PHPT1: variants seen among roughly 807,000 people sequenced by gnomAD.
PHPT1 encodes the protein phosphohistidine phosphatase 1.
In PHPT1, 16 loss-of-function variants were observed where a neutral mutation model predicts 15.6. The observed-to-expected ratio is 1.03, with a 90% CI of 0.70 to 1.56. The LOEUF is 1.56. PHPT1 is among the 40% of genes most tolerant of loss of function. The probability of loss-of-function intolerance (pLI) is 0.00; values close to 1 mark genes in which losing one functional copy is unlikely to be tolerated. For missense variants in PHPT1, 228 were observed against 171.0 expected (o/e 1.33, Z -1.86); for synonymous variants, 102 against 68.1 (o/e 1.50, Z -2.45).
intron 1 of PHPT1, 35 bp downstream of exon 1, chr9:136,849,625 G>GTGCC: frequency 1.4e-6 from 2 of 1,461,648 alleles, no homozygotes; most frequent in Non-Finnish European, 1.8e-6. Context: ...CCAGGGGCAC[G>GTGCC]CCTGGCGAGG....
rs768117475 is a variant in PHPT1, at chr9:136,850,059, C to T, written c.207C>T (p.Cys69=). The change falls in exon 2 of 3, where the codon TGC becomes TGT. Residue 69 remains cysteine, a synonymous_variant. Transcript: ENST00000247665. The part of the protein sequence containing the change: ...KVSGDMQKQG[C]DCECLGGGRI... ...CGGGCGACATGCAGAAGCAAGGCTG[C>T]GACTGTGAGTGTCTGGGCGGCGGGC... 76 of 1,613,144 alleles carry T rather than the reference C, an allele frequency of 4.7e-5. No homozygotes were observed. In the South Asian group the frequency reaches 5.7e-4, roughly 12 times the overall value.
At position 136,850,893 on chromosome 9, in the gene PHPT1, C is replaced by A. The variant is rs752048355; in HGVS notation, c.*46C>A. ...GCTGCCTCCAGCAGCCACTTCAGAG[C>A]CCCCGCCTTTGCCTGCACTCCTCTT... On this transcript the variant is annotated 3_prime_UTR_variant, in exon 3 of 3. Coordinates refer to ENST00000247665, the MANE Select transcript of PHPT1 (RefSeq NM_014172.6). 2 of 1,430,710 alleles carry A rather than the reference C, an allele frequency of 1.4e-6. No homozygotes were observed. The highest frequency in any genetic ancestry group is 1.1e-5 in the South Asian group (1 of 87,424). The allele number at this position is 1,430,710 out of a possible 1,614,324, so 88.6% of individuals were successfully genotyped here. A position where few individuals can be genotyped will look rare whatever the true frequency, so the allele number is the denominator to read the frequency against.
chr9:136,850,516 C>T (rs951737102), intron 2 of PHPT1: 3 of 1,611,978 alleles, frequency 1.9e-6, no homozygotes, highest in East Asian at 2.2e-5. Flanking sequence ...ATGAGACCCA[C>T]GTGCGTCCCT....
rs745405186 is a variant in PHPT1, at chr9:136,850,003, C to G, written c.161-10C>G. 7.5e-6 allele frequency: 12 copies of G among 1,607,990 alleles called. No homozygotes were observed. The highest frequency in any genetic ancestry group is 1.0e-5 in the Non-Finnish European group (12 of 1,176,664). On this transcript the variant is annotated splice_polypyrimidine_tract_variant and intron_variant, in intron 1 of 2. Coordinates refer to ENST00000247665, the MANE Select transcript of PHPT1 (RefSeq NM_014172.6). ...CCAGGGCACGTCCTGAGGCCGCCCT[C>G]CCATCCCAGCGGACATCTACGACAA...
rs753671031 is a variant in PHPT1, at chr9:136,850,916, C to T, written c.*69C>T. ...AGCCCCCGCCTTTGCCTGCACTCCT[C>T]TTGCAGGGCTGGCCCTGCCTGCTCC... On this transcript the variant is annotated 3_prime_UTR_variant, in exon 3 of 3. Transcript: ENST00000247665. 5 of 1,179,204 alleles carry T rather than the reference C, an allele frequency of 4.2e-6. No homozygotes were observed. The highest frequency in any genetic ancestry group is 1.7e-5 in the Admixed American group (1 of 59,428). 73.0% of individuals were successfully genotyped at this position (1,179,204 alleles called of 1,614,324 possible).
intron 2 of PHPT1, 23 bp downstream of exon 2, chr9:136,850,160 C>T (rs761198017): frequency 6.2e-7 from 1 of 1,612,828 alleles, no homozygotes; most frequent in African/African-American, 1.3e-5. Flanking sequence ...CCCGTCCCGC[C>T]CTGCCGGAGG....
At position 136,850,748 on chromosome 9, in the gene PHPT1, TCTC is replaced by T. The variant is rs770728904; in HGVS notation, c.286-5_286-3del. On this transcript the variant is annotated splice_region_variant and splice_polypyrimidine_tract_variant and intron_variant, in intron 2 of 2. Transcript: ENST00000247665. ...GGTAGTGCCAGCAGGCGTCTTCTCT[TCTC>T]CAGGCCTATGGTCCTGCCCAGCACG... 2 of 1,611,678 alleles carry T rather than the reference TCTC, an allele frequency of 1.2e-6. No individual in the cohort carries two copies. The highest frequency in any genetic ancestry group is 1.7e-6 in the Non-Finnish European group (2 of 1,178,638).
At position 136,850,833 on chromosome 9, in the gene PHPT1, A is replaced by G. The variant is rs763431973; in HGVS notation, c.364A>G (p.Asn122Asp). 1.9e-6 allele frequency: 3 copies of G among 1,612,758 alleles called. No individual in the cohort carries two copies. The highest frequency in any genetic ancestry group is 2.5e-6 in the Non-Finnish European group (3 of 1,179,698). ...CCCCGACTACGAGGTCACCTGGGCT[A>G]ACGACGGCTACTGAGCACTCCCAGC... ...KYPDYEVTWA[N>D]DGY is the part of the protein sequence containing the mutation. Residue 122 changes from asparagine to aspartate, a missense_variant, in exon 3 of 3, where the codon AAC becomes GAC. Transcript: ENST00000247665.
intron 2 of PHPT1, chr9:136,850,399 G>T (rs1848881579): frequency 2.8e-6 from 3 of 1,072,966 alleles, no homozygotes; most frequent in Non-Finnish European, 2.8e-6. Context: ...GGCCTTGCTG[G>T]GCTCTAGCTG....
chr9:136,850,616 G>A, intron 2 of PHPT1, 139 bp from the exon 3 acceptor site: 1 of 1,572,454 alleles, frequency 6.4e-7, no homozygotes, highest in Non-Finnish European at 8.7e-7. Flanking sequence ...GGGCGGTCGG[G>A]ATGGTGGGTT....
chr9:136,850,183 C>G (rs374169309), intron 2 of PHPT1, 46 bp downstream of exon 2: 7 of 1,611,462 alleles, frequency 4.3e-6, no homozygotes, highest in Non-Finnish European at 5.1e-6. Context: ...CCAGTACCAG[C>G]TTCGAGGCCC....
chr9:136,850,561 G>A (rs749719073), intron 2 of PHPT1, 194 bp from the exon 3 acceptor site: 6 of 1,611,314 alleles, frequency 3.7e-6, no homozygotes, highest in Non-Finnish European at 5.1e-6. Context: ...CACCATCAAG[G>A]TTTGCTTGCC....
intron 2 of PHPT1, 196 bp downstream of exon 2, chr9:136,850,333 G>A (rs1334461450): frequency 1.2e-6 from 1 of 842,376 alleles, no homozygotes; most frequent in African/African-American, 1.7e-5. Context: ...CCAGACCTGA[G>A]GGGTGGGACG....
rs2131227755 is a variant in PHPT1 at position 136,850,914 on chromosome 9, C to T, written c.*67C>T. 4 of 1,207,610 alleles carry T rather than the reference C, an allele frequency of 3.3e-6. No individual in the cohort carries two copies. Among genetic ancestry groups the T allele is most frequent in the South Asian group, 1.2e-5 (1 of 83,108 alleles). The allele number at this position is 1,207,610 out of a possible 1,614,324, so 74.8% of individuals were successfully genotyped here. ...AGAGCCCCCGCCTTTGCCTGCACTC[C>T]TCTTGCAGGGCTGGCCCTGCCTGCT... On this transcript the variant is annotated 3_prime_UTR_variant, in exon 3 of 3. Coordinates refer to ENST00000247665, the MANE Select transcript of PHPT1 (RefSeq NM_014172.6).
In PHPT1 at chr9:136,850,992, G is replaced by T. The variant is rs756131573; in HGVS notation, c.*145G>T. On this transcript the variant is annotated 3_prime_UTR_variant, in exon 3 of 3. Coordinates refer to ENST00000247665, the MANE Select transcript of PHPT1 (RefSeq NM_014172.6). ...TCCACCAGGCCTTGGAGACAGGCTA[G>T]CCTGGCCACAGAATTAAACGTGTTG... The T allele has an allele frequency of 1.3e-6, 1 of 772,778 alleles. No homozygotes were observed. The highest frequency in any genetic ancestry group is 2.4e-6 in the Non-Finnish European group (1 of 424,456). The allele number at this position is 772,778 out of a possible 1,614,324, so 47.9% of individuals were successfully genotyped here.
intron 1 of PHPT1, 153 bp downstream of exon 1, chr9:136,849,743 C>T: frequency 2.5e-6 from 2 of 811,298 alleles, no homozygotes; most frequent in South Asian, 3.9e-5. Flanking sequence ...GCTCCGAGTC[C>T]TGCCCCTGCT....
In PHPT1 at chr9:136,849,501, T is replaced by G; in HGVS notation, c.71T>G (p.Leu24Arg). ...TCCGACGGCGTCTTCAAGTATGTGCTGATCCGAGTCCACTCGGCTCCCCGC... is the reference window on the plus strand; with the variant it reads ...TCCGACGGCGTCTTCAAGTATGTGCGGATCCGAGTCCACTCGGCTCCCCGC... ...IDSDGVFKYV[L>R]IRVHSAPRSG... Residue 24 changes from leucine (L) to arginine (R), a missense_variant, in exon 1 of 3, where the codon CTG becomes CGG. Physicochemically the swap from Leu to Arg is moderately radical, Grantham distance 102. Transcript: ENST00000247665. The G allele has an allele frequency of 6.2e-7, 1 of 1,611,802 alleles. No homozygotes were observed. The highest frequency in any genetic ancestry group is 8.5e-7 in the Non-Finnish European group (1 of 1,179,574).
In PHPT1 at chr9:136,850,808, C is replaced by A. The variant is rs1848898268; in HGVS notation, c.339C>A (p.Tyr113Ter). Reference sequence around the variant, plus strand: ...CAACTGAGAAAATCAAAGCCAAGTACCCCGACTACGAGGTCACCTGGGCTA... The same window carrying A: ...CAACTGAGAAAATCAAAGCCAAGTAACCCGACTACGAGGTCACCTGGGCTA... Reference protein sequence around the residue: ...AISTEKIKAKYPDYEVTWAND... With the variant: ...AISTEKIKAK Residue 113 changes from tyrosine to a stop codon, truncating the protein, a stop_gained, in exon 3 of 3, where the codon TAC (tyrosine) becomes TAA (stop). Coordinates refer to ENST00000247665, the MANE Select transcript of PHPT1 (RefSeq NM_014172.6). LOFTEE classifies it high-confidence loss of function. The A allele has an allele frequency of 6.2e-7, 1 of 1,613,092 alleles. No homozygotes were observed. Among genetic ancestry groups the A allele is most frequent in the African/African-American group, 1.3e-5 (1 of 74,918 alleles).
At chr9:136,849,776 C>T (rs1848859179) in intron 1 of PHPT1, 186 bp downstream of exon 1, 1 of 748,854 alleles carries the variant, frequency 1.3e-6, no homozygotes, top group Non-Finnish European at 2.1e-6. Context: ...GGCTGAGGTC[C>T]TGGGCGGGAA....
Sources: allele counts gnomAD v4.1 joint callset, GRCh38; gene constraint gnomAD v4.1.1; transcripts MANE v1.5; gene names NCBI Gene and HGNC (gene_info 2026-07-23, HGNC 2026-07-21).